The following STK3 variants were observed in gnomAD, a reference collection of about 807,000 sequenced individuals.
The protein encoded by STK3 is serine/threonine kinase 3.
Under a neutral mutation model 58.0 loss-of-function variants are expected in STK3, and 41 were observed. The observed-to-expected ratio is 0.71, with a 90% CI of 0.55 to 0.92. The LOEUF is 0.92. STK3 is among the 40% of genes least tolerant of loss of function. The pLI is 0.00. For synonymous variants in STK3, 170 were observed against 191.0 expected (o/e 0.89, Z 0.91); for missense variants, 479 against 602.7 (o/e 0.79, Z 2.15).
At chr8:98,934,959 T>C (rs891397802) in intron 1 of STK3, among the ~76,000 whole-genome samples, 1 of 136,940 alleles carries the variant, frequency 7.3e-6, no homozygotes, top group Non-Finnish European at 1.7e-5. Context: ...ACATGACATA[T>C]ATAAAGAGCA....
intron 1 of STK3, among the ~76,000 whole-genome samples, chr8:98,814,733 G>C (rs1440814077): frequency 6.6e-6 from 1 of 152,160 alleles, no homozygotes; most frequent in Non-Finnish European, 1.5e-5. Flanking sequence ...AGCCCAGGCT[G>C]GGGTGCGGTG....
At chr8:98,674,263 C>T (rs1354198842) in intron 6 of STK3, among the ~76,000 whole-genome samples, 1 of 151,998 alleles carries the variant, frequency 6.6e-6, no homozygotes, top group Non-Finnish European at 1.5e-5. Flanking sequence ...GTAAATTTAA[C>T]CCCACAAATT....
Position 98,937,164 on chromosome 8 carries a change from G to A in STK3, c.-79+5214C>T, listed in dbSNP as rs569373767. On this transcript the variant is annotated intron_variant, in intron 1 of 1. Transcript: ENST00000519420. ...CTATGAGGATGGGGCCAATCTAGCCGTCTGCCTCTTCCCTTACTCCTCCTC... is the reference window on the plus strand; with the variant it reads ...CTATGAGGATGGGGCCAATCTAGCCATCTGCCTCTTCCCTTACTCCTCCTC... Among the ~76,000 whole-genome samples the A allele has an allele frequency of 1.5e-4, 23 of 152,238 alleles. No individual in the cohort carries two copies. The East Asian group carries it at 2.3e-3, about 15-fold the overall frequency.
At chr8:98,647,802 C>G (rs1026680040) in intron 6 of STK3, among the ~76,000 whole-genome samples, 10 of 152,220 alleles carry the variant, frequency 6.6e-5, no homozygotes, top group African/African-American at 2.4e-4. Flanking sequence ...CCATTGCACC[C>G]AGCCTTGATG....
At position 98,852,139 on chromosome 8, in the gene STK3, TTC is replaced by T. The variant is rs200957987; in HGVS notation, c.110+31506_110+31507del. On this transcript the variant is annotated intron_variant, in intron 3 of 12. Transcript: ENST00000523601. ...AGTTGCCTTTGGAGCTAAGCTAATT[TTC>T]TTTTTTTTTTTTTGTAACAGAGTTT... Among the ~76,000 whole-genome samples the T allele has an allele frequency of 8.1e-3, 1,236 of 152,158 alleles. 7 individuals carry two copies. The highest frequency in any genetic ancestry group is 0.028 in the African/African-American group (1,159 of 41,468).
chr8:98,923,571 C>T (rs575207409), intron 1 of STK3, among the ~76,000 whole-genome samples: 7 of 152,150 alleles, frequency 4.6e-5, no homozygotes, highest in Non-Finnish European at 8.8e-5. Flanking sequence ...GTGAACATGG[C>T]CTGAGAAACC....
chr8:98,502,620 T>C (rs1208740865), intron 10 of STK3, among the ~76,000 whole-genome samples: 1 of 152,234 alleles, frequency 6.6e-6, no homozygotes, highest in Non-Finnish European at 1.5e-5. Flanking sequence ...TGAAGCGCTG[T>C]TGAACTTTGT....
intron 3 of STK3, among the ~76,000 whole-genome samples, chr8:98,865,776 TC>T (rs1335623900): frequency 1.3e-5 from 2 of 152,214 alleles, no homozygotes; most frequent in African/African-American, 4.8e-5. Flanking sequence ...GACATCAAAG[TC>T]CATCTAAGTC....
intron 4 of STK3, among the ~76,000 whole-genome samples, chr8:98,729,817 T>C (rs969739852): frequency 1.3e-5 from 2 of 152,238 alleles, no homozygotes; most frequent in African/African-American, 4.8e-5. Flanking sequence ...AGAGAGGTAG[T>C]ATGTAGCAGA....
intron 10 of STK3, among the ~76,000 whole-genome samples, chr8:98,495,523 C>G (rs774940909): frequency 6.6e-6 from 1 of 152,170 alleles, no homozygotes; most frequent in Non-Finnish European, 1.5e-5. Flanking sequence ...ATTTTGTACT[C>G]ATTTACTCTG....
intron 1 of STK3, chr8:98,921,205 A>G (rs1198423079): frequency 1.3e-5 from 2 of 151,648 alleles, no homozygotes; most frequent in Non-Finnish European, 1.5e-5. Flanking sequence ...CAAGGGAAGG[A>G]GTTGTGTCTA....
At chr8:98,485,972 G>C (rs897382497) in intron 10 of STK3, among the ~76,000 whole-genome samples, 1 of 152,218 alleles carries the variant, frequency 6.6e-6, no homozygotes, top group African/African-American at 2.4e-5. Flanking sequence ...AAGCTCCAAA[G>C]AAGAGGTAAT....
chr8:98,787,426 C>A (rs868642205), intron 1 of STK3, among the ~76,000 whole-genome samples: 23 of 151,902 alleles, frequency 1.5e-4, no homozygotes, highest in Non-Finnish European at 2.8e-4. Context: ...TCCAAGAAGT[C>A]TGGGATTATG....
intron 7 of STK3, among the ~76,000 whole-genome samples, chr8:98,582,079 AAAG>A (rs1400704963): frequency 6.6e-6 from 1 of 152,304 alleles, no homozygotes; most frequent in East Asian, 1.9e-4. Flanking sequence ...TCAGATTTTA[AAAG>A]AATAAACTTT....
At chr8:98,571,573 G>C (rs879673644) in intron 8 of STK3, among the ~76,000 whole-genome samples, 3 of 152,114 alleles carry the variant, frequency 2.0e-5, no homozygotes, top group Non-Finnish European at 4.4e-5. Context: ...ACCGCAACCT[G>C]AACAGCTCTG....
At chr8:98,933,461 G>C (rs2132043541) in intron 1 of STK3, among the ~76,000 whole-genome samples, 1 of 152,190 alleles carries the variant, frequency 6.6e-6, no homozygotes, top group African/African-American at 2.4e-5. Flanking sequence ...AAAATTGTTT[G>C]GACTATATGT....
chr8:98,561,274 T>C (rs907642191), intron 8 of STK3, among the ~76,000 whole-genome samples: 1 of 149,678 alleles, frequency 6.7e-6, no homozygotes, highest in Non-Finnish European at 1.5e-5. Context: ...TTTAATCAAA[T>C]GGTGCTAGAA....
At chr8:98,806,349 C>T (rs1252896943) in intron 1 of STK3, among the ~76,000 whole-genome samples, 1 of 152,132 alleles carries the variant, frequency 6.6e-6, no homozygotes, top group Non-Finnish European at 1.5e-5. Flanking sequence ...CCATGACCTG[C>T]TTCAACTTAA....
intron 3 of STK3, among the ~76,000 whole-genome samples, chr8:98,834,901 T>C (rs2131793218): frequency 6.6e-6 from 1 of 152,352 alleles, no homozygotes; most frequent in African/African-American, 2.4e-5. Context: ...TTCTGATGAA[T>C]AGCAGTTACA....
Sources: gnomAD v4.1 joint callset for allele counts (sites outside exome capture counted in the v4.1 genomes callset) on GRCh38, gnomAD v4.1.1 for gene constraint, MANE v1.5 for transcripts, NCBI Gene and HGNC (gene_info 2026-07-23, HGNC 2026-07-21) for gene names.